The following MYH7B variants were observed in gnomAD, a reference collection of about 807,000 sequenced individuals.
MYH7B encodes myosin-7B.
Under a neutral mutation model 234.5 loss-of-function variants are expected in MYH7B, and 205 were observed. The ratio of observed to expected loss-of-function variants is 0.87; its 90% CI spans 0.78 to 0.98. The LOEUF (loss-of-function observed/expected upper bound fraction) is 0.98, where lower values mean the gene tolerates loss of function less well. Among genes scored for constraint, MYH7B ranks in the 50% least tolerant of loss-of-function variants. MYH7B has a pLI of 0.00. For synonymous variants in MYH7B, 1,193 were observed against 1,105.0 expected, an observed-to-expected ratio of 1.08 and a Z score of -1.58; for missense variants, 2,652 against 2,633.4, an observed-to-expected ratio of 1.01 and a Z score of -0.15.
At chr20:34,991,393 C>T (rs923215593) in intron 24 of MYH7B, among the ~76,000 whole-genome samples, 3 of 152,140 alleles carry the variant, frequency 2.0e-5, no homozygotes, top group African/African-American at 4.8e-5. Flanking sequence ...GCAGAAAAGA[C>T]GAATGATTTC....
intron 2 of MYH7B, among the ~76,000 whole-genome samples, chr20:34,960,653 T>C (rs2081687708): frequency 6.6e-6 from 1 of 152,210 alleles, no homozygotes; most frequent in Non-Finnish European, 1.5e-5. Context: ...CCCTGCCTCA[T>C]ACTGTTGTTT....
chr20:35,001,183 G>C (rs764825851), intron 41 of MYH7B, 25 bp downstream of exon 41: 3 of 1,609,084 alleles, frequency 1.9e-6, no homozygotes, highest in East Asian at 4.5e-5. Flanking sequence ...TCTAGTCCTT[G>C]GCGCAGGCAG....
intron 24 of MYH7B, among the ~76,000 whole-genome samples, chr20:34,991,348 G>A (rs923576622): frequency 1.3e-5 from 2 of 152,212 alleles, no homozygotes; most frequent in African/African-American, 4.8e-5. Context: ...GGAGCCTACA[G>A]GCCTCGCTGA....
At chr20:34,992,892 G>A (rs185144383) in intron 24 of MYH7B, among the ~76,000 whole-genome samples, 1 of 152,102 alleles carries the variant, frequency 6.6e-6, no homozygotes, top group Non-Finnish European at 1.5e-5. Flanking sequence ...ATTTTAAGTG[G>A]AGTGTCCCTA....
exon 36 of MYH7B, chr20:34,999,071 G>A: frequency 6.2e-7 from 1 of 1,610,394 alleles, no homozygotes; most frequent in African/African-American, 1.3e-5. Context: ...AGCTGGCACT[G>A]CGGCTGCAGG....
chr20:34,999,075 C>G, exon 36 of MYH7B: 1 of 1,610,988 alleles, frequency 6.2e-7, no homozygotes, highest in East Asian at 2.2e-5. Context: ...GGCACTGCGG[C>G]TGCAGGAGGC....
At chr20:34,960,838 T>C (rs1238846158) in intron 2 of MYH7B, among the ~76,000 whole-genome samples, 2 of 152,174 alleles carry the variant, frequency 1.3e-5, no homozygotes, top group East Asian at 3.9e-4. Context: ...GCTAGGCCTG[T>C]CCCTGACACT....
At chr20:34,999,502 G>A (rs1006544881) in intron 36 of MYH7B, 69 bp from the exon 37 acceptor site, 2 of 1,537,048 alleles carry the variant, frequency 1.3e-6, no homozygotes, top group Non-Finnish European at 1.7e-6. Flanking sequence ...TGGAATCAGG[G>A]GTGAGTGGAG....
exon 27 of MYH7B, chr20:34,994,201 T>C (rs2082208839): frequency 1.9e-6 from 3 of 1,613,284 alleles, no homozygotes; most frequent in Non-Finnish European, 2.5e-6. Context: ...CGTCAAGAAC[T>C]GGTCATGGAT....
At chr20:34,990,072 T>C in exon 21 of MYH7B, 1 of 1,614,142 alleles carries the variant, frequency 6.2e-7, no homozygotes, top group East Asian at 2.2e-5. Flanking sequence ...AATGAGACCG[T>C]GGTCCCCATC....
In MYH7B at chr20:34,998,283, C is replaced by G; in HGVS notation, c.3748-12C>G. 1 of 1,613,296 alleles carries G rather than the reference C, an allele frequency of 6.2e-7. No individual in the cohort carries two copies. The highest frequency in any genetic ancestry group is 1.1e-5 in the South Asian group (1 of 90,968). On this transcript the variant is annotated splice_polypyrimidine_tract_variant and intron_variant, in intron 32 of 44. Coordinates refer to ENST00000262873, the Ensembl canonical transcript of MYH7B. ...TAACTCCTGACCCCTGACTCCCAACCTGGGATCCTAGGCCAGTGCAGAGAA... is the reference window on the plus strand; with the variant it reads ...TAACTCCTGACCCCTGACTCCCAACGTGGGATCCTAGGCCAGTGCAGAGAA...
chr20:34,995,428 G>T, exon 28 of MYH7B: 4 of 1,613,734 alleles, frequency 2.5e-6, no homozygotes, highest in Non-Finnish European at 3.4e-6. Flanking sequence ...AGCTGAGTGA[G>T]CGGCTGGAGG....
At chr20:34,977,911 C>A (rs1277249025) in intron 4 of MYH7B, 23 bp from the exon 5 acceptor site, 8 of 1,612,504 alleles carry the variant, frequency 5.0e-6, no homozygotes, top group Non-Finnish European at 6.8e-6. Flanking sequence ...TAGTTCAGCT[C>A]CCTTGTCACT....
intron 43 of MYH7B, 126 bp downstream of exon 43, chr20:35,001,652 C>A: frequency 1.1e-6 from 1 of 872,986 alleles, no homozygotes; most frequent in Non-Finnish European, 1.8e-6. Context: ...AAGAGAGAAG[C>A]TTCTAACATC....
At chr20:34,982,857 A>G (rs189210328) in intron 10 of MYH7B, among the ~76,000 whole-genome samples, 6 of 152,240 alleles carry the variant, frequency 3.9e-5, no homozygotes, top group East Asian at 3.9e-4. Context: ...ATATTGAAAG[A>G]GTTTACTAGA....
intron 9 of MYH7B, among the ~76,000 whole-genome samples, 179 bp from the exon 10 acceptor site, chr20:34,982,280 A>G (rs1273909387): frequency 1.3e-5 from 2 of 151,860 alleles, no homozygotes; most frequent in African/African-American, 4.8e-5. Flanking sequence ...GTGTGTTGTC[A>G]TCTCACAGGG....
At chr20:34,993,943 G>C (rs2082204160) in intron 26 of MYH7B, among the ~76,000 whole-genome samples, 1 of 152,260 alleles carries the variant, frequency 6.6e-6, no homozygotes, top group East Asian at 1.9e-4. Flanking sequence ...GAGGCCACCA[G>C]GACATGGGGG....
rs375499145 is a variant in MYH7B at position 34,957,551 on chromosome 20, A to G, written c.-336-547A>G. Among the ~76,000 whole-genome samples the G allele has an allele frequency of 7.0e-3, 943 of 134,262 alleles. 10 individuals carry two copies. The highest frequency in any genetic ancestry group is 0.036 in the Middle Eastern group (7 of 194). The allele number at this position is 134,262 out of a possible 152,430, so 88.1% of individuals were successfully genotyped here. A position where few individuals can be genotyped will look rare whatever the true frequency, so the allele number is the denominator to read the frequency against. On this transcript the variant is annotated intron_variant, in intron 1 of 44. Transcript: ENST00000262873. ...GTTGCCCAGGCTGGAGTGCAGTGGC[A>G]CGATCTCAGCTCACTGCAACCTCCA...
chr20:34,997,392 C>T lies in MYH7B; in HGVS notation c.3499C>T (p.Gln1167Ter). 1 of 1,508,668 alleles carries T rather than the reference C, an allele frequency of 6.6e-7. No homozygotes were observed. The highest frequency in any genetic ancestry group is 8.8e-7 in the Non-Finnish European group (1 of 1,135,930). The allele number at this position is 1,508,668 out of a possible 1,614,324, so 93.5% of individuals were successfully genotyped here. ...GGAGGCAGGCGGCGCATCCGCGGGG[C>T]AGCGCGAGGGCTGCCGCAAGCGGGA... Residue 1167 changes from glutamine (Q) to a stop codon, truncating the protein, a stop_gained, in exon 32 of 45, where the codon CAG becomes TAG. Transcript: ENST00000262873. LOFTEE classifies it high-confidence loss of function.
Sources: allele counts gnomAD v4.1 joint callset (sites outside exome capture counted in the v4.1 genomes callset), GRCh38; gene constraint gnomAD v4.1.1; transcripts MANE v1.5; gene names NCBI Gene and HGNC (gene_info 2026-07-23, HGNC 2026-07-21).